MAN2C1: variants seen among roughly 807,000 people sequenced by gnomAD.
MAN2C1 encodes mannosidase alpha class 2C member 1, also known as alpha-mannosidase 2C1.
A neutral mutation model predicts 126.9 loss-of-function variants in MAN2C1; 111 were observed. The ratio of observed to expected loss-of-function variants is 0.87; its 90% CI spans 0.75 to 1.02. The LOEUF (loss-of-function observed/expected upper bound fraction) is 1.02, where lower values mean the gene tolerates loss of function less well. Among genes scored for constraint, MAN2C1 ranks in the 50% least tolerant of loss-of-function variants. The probability of loss-of-function intolerance (pLI) is 0.00; values close to 1 mark genes in which losing one functional copy is unlikely to be tolerated. For synonymous variants in MAN2C1, 567 were observed against 561.5 expected, an observed-to-expected ratio of 1.01 and a Z score of -0.14; for missense variants, 1,363 against 1,364.4, an observed-to-expected ratio of 1.00 and a Z score of 0.02.
At position 75,358,564 on chromosome 15, in the gene MAN2C1, C is replaced by T. The variant is rs757344332; in HGVS notation, c.2301G>A (p.Leu767=). ...GTAGCAAGAACCAGGCGCTGCCCCG[C>T]AGGCCGCCCTCGGTGCCCACTGCCA... is the stretch of plus-strand genomic sequence containing the variant. The part of the protein sequence containing the change: ...GTLAVGTEGG[L]RGSAWFLLQI... The change falls in exon 20 of 26, where the codon CTG becomes CTA. Residue 767 remains leucine (L), a synonymous_variant. Coordinates refer to ENST00000267978, the MANE Select transcript of MAN2C1 (RefSeq NM_006715.4). 4.3e-6 allele frequency: 7 copies of T among 1,613,460 alleles called. No individual in the cohort carries two copies. The highest frequency in any genetic ancestry group is 3.3e-5 in the Admixed American group (2 of 60,034).
rs1486461107 is a variant in MAN2C1 at position 75,361,278 on chromosome 15, C to A, written c.1314+8G>T. The A allele has an allele frequency of 1.3e-6, 2 of 1,572,838 alleles. No homozygotes were observed. Among genetic ancestry groups the A allele is most frequent in the Non-Finnish European group, 1.7e-6 (2 of 1,158,682 alleles). On this transcript the variant is annotated splice_region_variant and intron_variant, in intron 11 of 25. Coordinates refer to ENST00000267978, the MANE Select transcript of MAN2C1 (RefSeq NM_006715.4). The surrounding 1 kb of genome is among the most constrained non-coding windows in gnomAD (Gnocchi z 5.0). ...GCCCCTACCCCACCACCCTAGGTGA[C>A]CCCTCACCTCCTCCACGCTGCCCTG... is the stretch of plus-strand genomic sequence containing the variant.
At chr15:75,365,050 A>G (rs567607659) in intron 4 of MAN2C1, among the ~76,000 whole-genome samples, 14 of 152,206 alleles carry the variant, frequency 9.2e-5, no homozygotes, top group Non-Finnish European at 1.9e-4. Flanking sequence ...CACGGCCAAC[A>G]TGGGCGGGCC....
chr15:75,356,143 A>G lies in MAN2C1; in HGVS notation c.2963T>C (p.Leu988Pro), dbSNP rs1299929061. 1 of 1,613,760 alleles carries G rather than the reference A, an allele frequency of 6.2e-7. No individual in the cohort carries two copies. Among genetic ancestry groups the G allele is most frequent in the Non-Finnish European group, 8.5e-7 (1 of 1,180,000 alleles). Residue 988 changes from leucine (L) to proline (P), a missense_variant, in exon 25 of 26, where the codon CTG (leucine) becomes CCG (proline). Leu to Pro is a moderately conservative substitution (Grantham distance 98). Coordinates refer to ENST00000267978, the MANE Select transcript of MAN2C1 (RefSeq NM_006715.4). The surrounding 1 kb of genome is among the most constrained non-coding windows in gnomAD (Gnocchi z 5.8). ...CTCCTGAACCGGCAGCGACAAGTGC[A>G]GCCAGCAGTCCACGTGGCTGCCGTG... is the stretch of plus-strand genomic sequence containing the variant. ...EAHGSHVDCW[L>P]HLSLPVQEAI...
Position 75,368,503 on chromosome 15 carries a change from G to C in MAN2C1, c.81C>G (p.Thr27=), listed in dbSNP as rs1031310916. 1.3e-6 allele frequency: 2 copies of C among 1,555,032 alleles called. No homozygotes were observed. Among genetic ancestry groups the C allele is most frequent in the African/African-American group, 2.7e-5 (2 of 73,322 alleles). ...CACACCTGCCGCGGAGGTTACAGTC[G>C]GTAAAGTAGAGCGGCGACACGAACT... ...VEKFVSPLYF[T]DCNLRGRLFG... The change falls in exon 1 of 26, where the codon ACC becomes ACG. Residue 27 remains threonine (T), a synonymous_variant. Transcript: ENST00000267978.
chr15:75,367,438 C>T, intron 3 of MAN2C1, 73 bp downstream of exon 3: 1 of 1,565,638 alleles, frequency 6.4e-7, no homozygotes, highest in Non-Finnish European at 8.7e-7. Context: ...TCTCCAGAGT[C>T]CACAGAAGAA....
chr15:75,368,556 A>G lies in MAN2C1; in HGVS notation c.28T>C (p.Trp10Arg), dbSNP rs2072641405. 6.4e-7 allele frequency: 1 copy of G among 1,551,280 alleles called. No individual in the cohort carries two copies. The highest frequency in any genetic ancestry group is 1.2e-5 in the South Asian group (1 of 84,228). MAAAPALKH[W>R]RTTLERVEKF... Reference sequence around the variant, plus strand: ...TCCACCCGCTCCAGCGTGGTGCGCCAGTGCTTCAAGGCCGGCGCAGCCGCC... The same window carrying G: ...TCCACCCGCTCCAGCGTGGTGCGCCGGTGCTTCAAGGCCGGCGCAGCCGCC... The change falls in exon 1 of 26, where the codon TGG becomes CGG. Residue 10 changes from tryptophan to arginine, a missense_variant. By Grantham distance (101) the Trp-to-Arg change is moderately radical. Coordinates refer to ENST00000267978, the MANE Select transcript of MAN2C1 (RefSeq NM_006715.4).
rs778918647 is a variant in MAN2C1 at position 75,359,387 on chromosome 15, G to A, written c.1987C>T (p.Pro663Ser). 3 of 1,609,370 alleles carry A rather than the reference G, an allele frequency of 1.9e-6. No homozygotes were observed. Among genetic ancestry groups the A allele is most frequent in the Non-Finnish European group, 2.5e-6 (3 of 1,178,520 alleles). Residue 663 changes from proline (P) to serine (S), a missense_variant, in exon 17 of 26, where the codon CCT (proline) becomes TCT (serine). Coordinates refer to ENST00000267978, the MANE Select transcript of MAN2C1 (RefSeq NM_006715.4). The part of the protein sequence containing the change: ...TVPSMGYAPV[P>S]PPTSLQPLLP... The stretch of plus-strand genomic sequence containing the variant: ...AGGGGCTGCAGTGAGGTGGGGGGAG[G>A]AACAGGAGCATAGCCCATGCTGGGC...
rs377647987 is a variant in MAN2C1 at position 75,356,197 on chromosome 15, C to T, written c.2909G>A (p.Arg970His). 9.9e-6 allele frequency: 16 copies of T among 1,613,380 alleles called. No individual in the cohort carries two copies. The South Asian group carries it at 1.2e-4, about 12-fold the overall frequency. The change falls in exon 25 of 26, where the codon CGC becomes CAC. Residue 970 changes from arginine to histidine, a missense_variant. By Grantham distance (29) the Arg-to-His change is conservative (BLOSUM62 0). This residue lies in a region of MAN2C1 where 668 missense variants were observed against 650.1 expected (regional missense o/e 1.03). Transcript: ENST00000267978. This position sits in a 1 kb window ranked among gnomAD's most constrained non-coding sequence, Gnocchi z 5.8. ...VKQAESSPQR[R>H]SLVLRLYEAH... Reference sequence around the variant, plus strand: ...CTCATACAGCCTCAGGACCAGCGAGCGGCGCTGGGGGCTGCTCTCCGCCTG... The same window carrying T: ...CTCATACAGCCTCAGGACCAGCGAGTGGCGCTGGGGGCTGCTCTCCGCCTG...
Position 75,359,902 on chromosome 15 carries a change from C to A in MAN2C1, c.1792+1G>T, listed in dbSNP as rs761046934. On this transcript the variant is annotated splice_donor_variant, in intron 15 of 25. Coordinates refer to ENST00000267978, the MANE Select transcript of MAN2C1 (RefSeq NM_006715.4). LOFTEE classifies it high-confidence loss of function. ...GCAGGCAGGACTATTGTGAGCCTAA[C>A]CTTCATAATGGCACATGGCTTCCTC... 1 of 1,612,134 alleles carries A rather than the reference C, an allele frequency of 6.2e-7. No homozygotes were observed. Among genetic ancestry groups the A allele is most frequent in the Non-Finnish European group, 8.5e-7 (1 of 1,179,064 alleles).
intron 2 of MAN2C1, 182 bp downstream of exon 2, chr15:75,367,891 T>C (rs567169710): frequency 2.1e-6 from 2 of 962,704 alleles, no homozygotes; most frequent in Admixed American, 2.9e-5. Context: ...ATGAAAACCA[T>C]CCCCTGAAGA....
At chr15:75,364,369 G>A (rs765365007) in intron 5 of MAN2C1, 119 bp downstream of exon 5, 45 of 1,296,846 alleles carry the variant, frequency 3.5e-5, no homozygotes, top group Non-Finnish European at 4.6e-5. Context: ...CAACCCTCAA[G>A]CAGGTGGAAA....
intron 13 of MAN2C1, 101 bp from the exon 14 acceptor site, chr15:75,360,312 G>A: frequency 4.0e-6 from 6 of 1,511,670 alleles, no homozygotes; most frequent in Non-Finnish European, 4.5e-6. Context: ...CTCACCAAGG[G>A]CCTCGTGGAG....
chr15:75,357,531 T>C (rs2072356014), intron 21 of MAN2C1, among the ~76,000 whole-genome samples: 1 of 152,048 alleles, frequency 6.6e-6, no homozygotes, highest in African/African-American at 2.4e-5. Context: ...ATGGTCTCGA[T>C]CTCTTGACCT....
At position 75,364,147 on chromosome 15, in the gene MAN2C1, G is replaced by A; in HGVS notation, c.642C>T (p.Tyr214=). Residue 214 remains tyrosine, a synonymous_variant, in exon 6 of 26, where the codon TAC becomes TAT. Coordinates refer to ENST00000267978, the MANE Select transcript of MAN2C1 (RefSeq NM_006715.4). ...KDNQRSFQAL[Y]TANQMVNVCD... ...ACACGTTCACCATCTGATTGGCTGT[G>A]TACAGGGCCTGGAAGCTGCGCTGGT... The A allele has an allele frequency of 1.9e-6, 3 of 1,613,172 alleles. No homozygotes were observed. Among genetic ancestry groups the A allele is most frequent in the Admixed American group, 1.7e-5 (1 of 59,896 alleles).
intron 6 of MAN2C1, chr15:75,363,202 C>A: frequency 2.2e-6 from 1 of 456,944 alleles, no homozygotes; most frequent in Non-Finnish European, 4.4e-6. Flanking sequence ...GAACCTCTCA[C>A]ACCTTACCCT....
chr15:75,366,389 C>T (rs1283587777), intron 4 of MAN2C1, 133 bp downstream of exon 4: 1 of 737,866 alleles, frequency 1.4e-6, no homozygotes, highest in East Asian at 3.0e-5. Context: ...CTTTTAAAAG[C>T]AAACAATGAG....
rs2072295830 is a variant in MAN2C1 at position 75,356,313 on chromosome 15, C to T, written c.2874G>A (p.Glu958=). The change falls in exon 24 of 26, where the codon GAG becomes GAA. Residue 958 remains glutamate, a synonymous_variant. Transcript: ENST00000267978. The surrounding 1 kb of genome is among the most constrained non-coding windows in gnomAD (Gnocchi z 5.8). ...FSVSSPAVVL[E]TVKQAESSPQ... is the part of the protein sequence containing the mutation. ...TCCCACCCCTTGCCTGCTTGACGGTCTCCAATACGACCGCGGGTGAAGACA... is the reference window on the plus strand; with the variant it reads ...TCCCACCCCTTGCCTGCTTGACGGTTTCCAATACGACCGCGGGTGAAGACA... The T allele has an allele frequency of 6.2e-7, 1 of 1,611,614 alleles. No individual in the cohort carries two copies. The highest frequency in any genetic ancestry group is 8.5e-7 in the Non-Finnish European group (1 of 1,179,290).
chr15:75,362,008 C>T lies in MAN2C1; in HGVS notation c.1009-61G>A. ...GCGCTGGACGGGGAGCAGGCAGGCGCTCAGGCCAACCCAATCCCTGCAGGA... is the reference window on the plus strand; with the variant it reads ...GCGCTGGACGGGGAGCAGGCAGGCGTTCAGGCCAACCCAATCCCTGCAGGA... On this transcript the variant is annotated intron_variant, in intron 8 of 25. Coordinates refer to ENST00000267978, the MANE Select transcript of MAN2C1 (RefSeq NM_006715.4). The surrounding 1 kb of genome is among the most constrained non-coding windows in gnomAD (Gnocchi z 4.5). 7.8e-7 allele frequency: 1 copy of T among 1,283,456 alleles called. No homozygotes were observed. The highest frequency in any genetic ancestry group is 1.1e-6 in the Non-Finnish European group (1 of 882,088). 79.5% of individuals were successfully genotyped at this position (1,283,456 alleles called of 1,614,324 possible).
chr15:75,366,451 G>T, intron 4 of MAN2C1, 71 bp downstream of exon 4: 2 of 1,314,708 alleles, frequency 1.5e-6, no homozygotes, highest in Non-Finnish European at 1.1e-6. Context: ...ATCACTCTGG[G>T]CCTCAGCTCC....
Sources: gnomAD v4.1 joint callset for allele counts (sites outside exome capture counted in the v4.1 genomes callset) on GRCh38, gnomAD v4.1.1 for gene constraint, gnomAD v4.1.1 regional missense constraint, Gnocchi (gnomAD v3.1) non-coding constraint, MANE v1.5 for transcripts, NCBI Gene and HGNC (gene_info 2026-07-23, HGNC 2026-07-21) for gene names.